Variants in TNRC6B observed in about 807,000 individuals in gnomAD.
TNRC6B encodes trinucleotide repeat-containing gene 6B protein.
In TNRC6B, 52 loss-of-function variants were observed where a neutral mutation model predicts 203.6. The observed-to-expected ratio is 0.26, with a 90% CI of 0.20 to 0.32. The LOEUF (loss-of-function observed/expected upper bound fraction) is 0.32. TNRC6B is among the 10% of genes least tolerant of loss of function. The pLI, the probability that TNRC6B is intolerant of heterozygous loss-of-function variation, is 1.00. For missense variants in TNRC6B, 1,923 were observed against 2,286.2 expected (o/e 0.84, Z 3.24); for synonymous variants, 838 against 845.7 (o/e 0.99, Z 0.16).
intron 1 of TNRC6B, among the ~76,000 whole-genome samples, chr22:40,221,308 G>A (rs1295881416): frequency 6.6e-6 from 1 of 152,102 alleles, no homozygotes; most frequent in East Asian, 1.9e-4. Context: ...TGAGTGTCTA[G>A]CTATTTCAGG....
At chr22:40,307,934 C>T (rs952411524) in intron 15 of TNRC6B, among the ~76,000 whole-genome samples, 11 of 152,180 alleles carry the variant, frequency 7.2e-5, no homozygotes, top group African/African-American at 2.7e-4. Context: ...AACTTCATTT[C>T]TCCTCATCCC....
intron 1 of TNRC6B, among the ~76,000 whole-genome samples, chr22:40,071,901 A>G (rs1005278480): frequency 1.3e-5 from 2 of 152,200 alleles, no homozygotes; most frequent in Non-Finnish European, 1.5e-5. Context: ...TCCATCGCCC[A>G]TGCTGGAGTA....
chr22:40,099,036 G>T (rs891853017), intron 1 of TNRC6B, among the ~76,000 whole-genome samples: 4 of 152,146 alleles, frequency 2.6e-5, no homozygotes, highest in African/African-American at 9.7e-5. Context: ...TGGATCACAA[G>T]GTCAGCAGTT....
At chr22:40,186,328 CTGGTGT>C (rs892021045) in intron 1 of TNRC6B, among the ~76,000 whole-genome samples, 1 of 152,032 alleles carries the variant, frequency 6.6e-6, no homozygotes, top group African/African-American at 2.4e-5. Flanking sequence ...ATTCCCGAAC[CTGGTGT>C]TGGGAGGTGT....
intron 1 of TNRC6B, among the ~76,000 whole-genome samples, chr22:40,107,376 C>T (rs575987207): frequency 9.8e-5 from 15 of 152,326 alleles, no homozygotes; most frequent in South Asian, 2.1e-4. Context: ...TGGCTGTCCT[C>T]AGCAGAATGG....
At chr22:40,046,870 C>A (rs917150860) in intron 1 of TNRC6B, among the ~76,000 whole-genome samples, 1 of 152,036 alleles carries the variant, frequency 6.6e-6, no homozygotes, top group Non-Finnish European at 1.5e-5. Flanking sequence ...TGGTCTCGAT[C>A]TCCTGACTTC....
At chr22:40,233,138 G>A (rs745979124) in intron 1 of TNRC6B, among the ~76,000 whole-genome samples, 3 of 151,232 alleles carry the variant, frequency 2.0e-5, no homozygotes, top group Non-Finnish European at 4.4e-5. Context: ...GTAAGATTCC[G>A]TCTCAAAAAA....
At chr22:40,117,642 G>C (rs1173668636) in intron 2 of TNRC6B, among the ~76,000 whole-genome samples, 2 of 151,794 alleles carry the variant, frequency 1.3e-5, no homozygotes, top group African/African-American at 4.8e-5. Context: ...CTTTTCCCTA[G>C]ATATATATAT....
intron 18 of TNRC6B, 83 bp downstream of exon 18, chr22:40,312,734 G>C (rs1415922149): frequency 6.5e-6 from 10 of 1,529,354 alleles, no homozygotes; most frequent in Non-Finnish European, 8.0e-6. Context: ...GTACTTGCTG[G>C]TACCTAAAAG....
intron 1 of TNRC6B, among the ~76,000 whole-genome samples, chr22:40,207,102 T>C (rs538337733): frequency 2.1e-4 from 32 of 152,232 alleles, no homozygotes; most frequent in Non-Finnish European, 4.0e-4. Context: ...TGCCTCTGTC[T>C]TCACATGAAT....
intron 3 of TNRC6B, among the ~76,000 whole-genome samples, chr22:40,255,436 C>T (rs1346568975): frequency 6.6e-6 from 1 of 152,136 alleles, no homozygotes; most frequent in Non-Finnish European, 1.5e-5. Flanking sequence ...AGTCTACTCT[C>T]ATTTATTAAT....
chr22:40,301,011 T>TG lies in TNRC6B; in HGVS notation c.3936+9dup, dbSNP rs765618696. 55 of 1,610,640 alleles carry TG rather than the reference T, an allele frequency of 3.4e-5. No homozygotes were observed. Among genetic ancestry groups the TG allele is most frequent in the Non-Finnish European group, 4.4e-5 (52 of 1,178,500 alleles). On this transcript the variant is annotated splice_region_variant and intron_variant, in intron 14 of 22. Coordinates refer to ENST00000454349, the MANE Select transcript of TNRC6B (RefSeq NM_001162501.2). ...GCCAACAGCAAGAGCAGCAGGTACG[T>TG]GGGTAGGCAGGGTCCCTCCAGTGCT...
chr22:40,312,859 A>T, intron 18 of TNRC6B, 43 bp from the exon 19 acceptor site: 2 of 1,571,260 alleles, frequency 1.3e-6, no homozygotes, highest in Admixed American at 1.7e-5. Flanking sequence ...GGTTATACTG[A>T]CATTTATCTT....
At chr22:40,054,083 G>T (rs150761550) in intron 1 of TNRC6B, among the ~76,000 whole-genome samples, 1,796 of 152,244 alleles carry the variant, frequency 0.012, 37 homozygotes, top group African/African-American at 0.041. Context: ...TGGGCGTGGT[G>T]GTGCCTGCCT....
chr22:40,053,201 A>T (rs2067766038), intron 1 of TNRC6B, among the ~76,000 whole-genome samples: 1 of 150,990 alleles, frequency 6.6e-6, no homozygotes. Flanking sequence ...ATTGTTATGG[A>T]TTTTCAGGTT....
intron 1 of TNRC6B, among the ~76,000 whole-genome samples, chr22:40,197,265 G>A (rs1304432779): frequency 6.6e-6 from 1 of 151,330 alleles, no homozygotes. Context: ...ATCCCTGGCT[G>A]GCTGCTGAAA....
Position 40,331,702 on chromosome 22 carries a change from C to T in TNRC6B, c.*8461C>T, listed in dbSNP as rs961184213. 7.5e-5 allele frequency: 13 copies of T among 174,154 alleles called. No homozygotes were observed. The Admixed American group carries it at 1.0e-3, about 13-fold the overall frequency. The allele number at this position is 174,154 out of a possible 1,614,324, so 10.8% of individuals were successfully genotyped here. Reference sequence around the variant, plus strand: ...AAAAAGTCCCACATGTGGTCATCGTCGCTTCTTTATGTTGTAAGGTGAATT... The same window carrying T: ...AAAAAGTCCCACATGTGGTCATCGTTGCTTCTTTATGTTGTAAGGTGAATT... On this transcript the variant is annotated 3_prime_UTR_variant, in exon 23 of 23. Transcript: ENST00000454349.
At chr22:40,223,624 T>A (rs1461690251) in intron 1 of TNRC6B, among the ~76,000 whole-genome samples, 1 of 152,254 alleles carries the variant, frequency 6.6e-6, no homozygotes, top group Non-Finnish European at 1.5e-5. Context: ...AATTGCATAG[T>A]ATTCTCTTGT....
At chr22:40,320,563 A>G (rs1472257501) in intron 21 of TNRC6B, among the ~76,000 whole-genome samples, 1 of 152,240 alleles carries the variant, frequency 6.6e-6, no homozygotes, top group Non-Finnish European at 1.5e-5. Flanking sequence ...TAGGTTAGGA[A>G]AATTGTCCCT....
Sources: allele counts gnomAD v4.1 joint callset (sites outside exome capture counted in the v4.1 genomes callset), GRCh38; gene constraint gnomAD v4.1.1; transcripts MANE v1.5; gene names NCBI Gene and HGNC (gene_info 2026-07-23, HGNC 2026-07-21).